KCNT2: variants seen among roughly 807,000 people sequenced by gnomAD.
KCNT2 encodes the protein potassium channel subfamily T member 2.
Under a neutral mutation model 153.8 loss-of-function variants are expected in KCNT2, and 67 were observed. The observed-to-expected ratio is 0.44, with a 90% confidence interval of 0.36 to 0.53. The LOEUF (loss-of-function observed/expected upper bound fraction) is 0.53, where lower values mean the gene tolerates loss of function less well. Among genes scored for constraint, KCNT2 ranks in the 20% least tolerant of loss-of-function variants. The probability of loss-of-function intolerance (pLI) is 0.00; values close to 1 mark genes in which losing one functional copy is unlikely to be tolerated. For missense variants in KCNT2, 975 were observed against 1,354.8 expected (o/e 0.72, Z 4.40); for synonymous variants, 500 against 458.8 (o/e 1.09, Z -1.15).
intron 1 of KCNT2, among the ~76,000 whole-genome samples, chr1:196,581,925 C>T (rs1005695028): frequency 6.6e-6 from 1 of 152,026 alleles, no homozygotes; most frequent in Non-Finnish European, 1.5e-5. Context: ...CCTCTATGTT[C>T]ACATTTCAGG....
chr1:196,326,736 C>G lies in KCNT2; in HGVS notation c.2257G>C (p.Val753Leu). 1 of 1,542,636 alleles carries G rather than the reference C, an allele frequency of 6.5e-7. No homozygotes were observed. Among genetic ancestry groups the G allele is most frequent in the Non-Finnish European group, 8.7e-7 (1 of 1,152,144 alleles). The change falls in exon 19 of 28, where the codon GTA becomes CTA. Residue 753 changes from valine (V) to leucine (L), a missense_variant. Physicochemically the swap from Val to Leu is conservative, Grantham distance 32. Transcript: ENST00000294725. ...ACTTACGGGTTATCCAATAGCAGTA[C>G]TATGGGATTAAGTTCTTTCTTTGGT... ...YRPKKELNPI[V>L]LLLDNPPDMH...
At chr1:196,356,729 A>G (rs1401804271) in intron 14 of KCNT2, among the ~76,000 whole-genome samples, 2 of 151,824 alleles carry the variant, frequency 1.3e-5, no homozygotes, top group African/African-American at 4.8e-5. Flanking sequence ...CTATTTTTCA[A>G]TGTTCTGACT....
At chr1:196,558,957 C>T (rs1011033768) in intron 1 of KCNT2, among the ~76,000 whole-genome samples, 1 of 151,000 alleles carries the variant, frequency 6.6e-6, no homozygotes, top group African/African-American at 2.4e-5. Flanking sequence ...CAAGTAATAG[C>T]ATAAGAGGCA....
At chr1:196,504,645 C>G (rs1419626000) in intron 1 of KCNT2, among the ~76,000 whole-genome samples, 2 of 152,140 alleles carry the variant, frequency 1.3e-5, no homozygotes, top group East Asian at 1.9e-4. Context: ...TTCTAGATCC[C>G]TGAGGAATCG....
At chr1:196,366,785 A>G (rs367774595) in intron 14 of KCNT2, among the ~76,000 whole-genome samples, 3 of 152,190 alleles carry the variant, frequency 2.0e-5, no homozygotes, top group Admixed American at 6.5e-5. Flanking sequence ...AAACTCCCCA[A>G]GAGCAGAGAT....
intron 13 of KCNT2, among the ~76,000 whole-genome samples, chr1:196,382,082 A>AATTTATTTATTTATTTACTT (rs1669544180): frequency 7.0e-6 from 1 of 143,188 alleles, no homozygotes; most frequent in African/African-American, 2.6e-5. Context: ...TGTTTAACCA[A>AATTTATTTATTTATTTACTT]ATTTATTTAT....
At chr1:196,605,022 C>T (rs1159175321) in intron 1 of KCNT2, among the ~76,000 whole-genome samples, 1 of 152,176 alleles carries the variant, frequency 6.6e-6, no homozygotes, top group Non-Finnish European at 1.5e-5. Context: ...TCTTTAACAA[C>T]ACCCATTTGA....
chr1:196,608,418 G>T lies in KCNT2; in HGVS notation c.-109C>A. ...AGGACTAACAAGACGCTGTGGCCGA[G>T]AGAGGGATGGGAGAAGGGGAAGGGG... On this transcript the variant is annotated 5_prime_UTR_variant, in exon 1 of 28. Transcript: ENST00000294725. The T allele has an allele frequency of 1.2e-6, 1 of 824,432 alleles. No individual in the cohort carries two copies. The highest frequency in any genetic ancestry group is 2.6e-5 in the East Asian group (1 of 38,566). The allele number at this position is 824,432 out of a possible 1,614,324, so 51.1% of individuals were successfully genotyped here. A position where few individuals can be genotyped will look rare whatever the true frequency, so the allele number is the denominator to read the frequency against.
At chr1:196,411,458 A>AC (rs1196484887) in intron 12 of KCNT2, among the ~76,000 whole-genome samples, 2 of 149,706 alleles carry the variant, frequency 1.3e-5, no homozygotes, top group Non-Finnish European at 3.0e-5. Flanking sequence ...AAAAAAAAAA[A>AC]AAAAAAAAAA....
At chr1:196,273,417 A>G in intron 25 of KCNT2, 1 of 1,251,494 alleles carries the variant, frequency 8.0e-7, no homozygotes, top group African/African-American at 1.5e-5. Flanking sequence ...ATAGCTCTGA[A>G]TTAATATATT....
At chr1:196,392,443 A>C (rs1415785761) in intron 13 of KCNT2, among the ~76,000 whole-genome samples, 3 of 151,416 alleles carry the variant, frequency 2.0e-5, no homozygotes, top group Non-Finnish European at 4.4e-5. Flanking sequence ...TCTAAGCATT[A>C]TGTTCTTAAG....
chr1:196,364,035 AC>A (rs764326613), intron 14 of KCNT2, among the ~76,000 whole-genome samples: 7 of 152,166 alleles, frequency 4.6e-5, no homozygotes, highest in Non-Finnish European at 1.0e-4. Flanking sequence ...AAGAGAAATA[AC>A]AACTAAAGGC....
intron 13 of KCNT2, among the ~76,000 whole-genome samples, chr1:196,388,635 A>G (rs1057281608): frequency 3.3e-5 from 5 of 151,550 alleles, no homozygotes; most frequent in East Asian, 1.9e-4. Context: ...TCCCATATCT[A>G]TTTCATACTT....
At chr1:196,553,432 T>A (rs1396102083) in intron 1 of KCNT2, among the ~76,000 whole-genome samples, 1 of 150,734 alleles carries the variant, frequency 6.6e-6, no homozygotes, top group African/African-American at 2.4e-5. Flanking sequence ...TAAAGAAACA[T>A]AGGACTTAAT....
intron 8 of KCNT2, among the ~76,000 whole-genome samples, chr1:196,464,020 G>A (rs1677387425): frequency 6.6e-6 from 1 of 151,714 alleles, no homozygotes. Context: ...TTTAGTATTT[G>A]TAATTTTCCA....
chr1:196,536,027 T>C (rs917150124), intron 1 of KCNT2, among the ~76,000 whole-genome samples: 1 of 152,188 alleles, frequency 6.6e-6, no homozygotes, highest in South Asian at 2.1e-4. Flanking sequence ...CAGGGACACA[T>C]GCCCACAAGG....
intron 1 of KCNT2, 46 bp from the exon 2 acceptor site, chr1:196,492,387 A>T (rs1182409582): frequency 8.4e-7 from 1 of 1,185,214 alleles, no homozygotes; most frequent in South Asian, 2.2e-5. Flanking sequence ...AAGCAACCAT[A>T]TCTTTATTTT....
At chr1:196,365,423 T>A (rs1667959343) in intron 14 of KCNT2, among the ~76,000 whole-genome samples, 1 of 152,176 alleles carries the variant, frequency 6.6e-6, no homozygotes, top group African/African-American at 2.4e-5. Context: ...TATGACTGAA[T>A]AATATATCAC....
intron 13 of KCNT2, among the ~76,000 whole-genome samples, chr1:196,394,830 G>GA (rs1314864114): frequency 6.6e-6 from 1 of 151,328 alleles, no homozygotes; most frequent in Non-Finnish European, 1.5e-5. Flanking sequence ...ATGATTTCCA[G>GA]AAAAATACTG....
Sources: gnomAD v4.1 joint callset for allele counts (sites outside exome capture counted in the v4.1 genomes callset) on GRCh38, gnomAD v4.1.1 for gene constraint, MANE v1.5 for transcripts, NCBI Gene and HGNC (gene_info 2026-07-23, HGNC 2026-07-21) for gene names.